PAX5: variants seen among roughly 807,000 people sequenced by gnomAD.
The protein encoded by PAX5 is paired box 5, also known as paired box protein Pax-5.
Under a neutral mutation model 43.7 loss-of-function variants are expected in PAX5, and 9 were observed. The ratio of observed to expected loss-of-function variants is 0.21; its 90% CI spans 0.12 to 0.36. The LOEUF (loss-of-function observed/expected upper bound fraction) is 0.36. Ranked by LOEUF, PAX5 falls within the 10% of genes least tolerant of loss-of-function variation. The pLI, the probability that PAX5 is intolerant of heterozygous loss-of-function variation, is 1.00. For missense variants in PAX5, 383 were observed against 532.7 expected (o/e 0.72, Z 2.77); for synonymous variants, 228 against 214.3 (o/e 1.06, Z -0.56).
chr9:36,910,474 C>G (rs1177014130), intron 7 of PAX5, among the ~76,000 whole-genome samples: 3 of 152,198 alleles, frequency 2.0e-5, no homozygotes, highest in Non-Finnish European at 2.9e-5. Context: ...TGGGGTGTAT[C>G]TCCTCTGGTT....
chr9:36,916,765 A>G (rs1462357042), intron 7 of PAX5, among the ~76,000 whole-genome samples: 8 of 151,972 alleles, frequency 5.3e-5, no homozygotes, highest in Non-Finnish European at 1.0e-4. Context: ...GCTCATTGCC[A>G]TCTCCATTTC....
At chr9:36,874,051 C>A (rs1473421459) in intron 8 of PAX5, among the ~76,000 whole-genome samples, 2 of 152,192 alleles carry the variant, frequency 1.3e-5, no homozygotes, top group Non-Finnish European at 2.9e-5. Context: ...GCCTGTAGGG[C>A]AGGCAAGACG....
chr9:36,835,276 T>A lies in PAX5; in HGVS notation c.*5284A>T. The A allele has an allele frequency of 4.3e-6, 1 of 233,058 alleles. No homozygotes were observed. Among genetic ancestry groups the A allele is most frequent in the Non-Finnish European group, 8.5e-6 (1 of 117,914 alleles). The allele number at this position is 233,058 out of a possible 1,614,324, so 14.4% of individuals were successfully genotyped here. A position where few individuals can be genotyped will look rare whatever the true frequency, so the allele number is the denominator to read the frequency against. The stretch of plus-strand genomic sequence containing the variant: ...GACATGATTCTGAGGTTCCCTTCAA[T>A]CCTGGGGTGCCCAGGAACGGAGCCT... On this transcript the variant is annotated 3_prime_UTR_variant, in exon 10 of 10. Coordinates refer to ENST00000358127, the MANE Select transcript of PAX5 (RefSeq NM_016734.3).
chr9:36,859,150 C>T (rs775889749), intron 8 of PAX5, among the ~76,000 whole-genome samples: 2 of 152,148 alleles, frequency 1.3e-5, no homozygotes, highest in Non-Finnish European at 2.9e-5. Flanking sequence ...CAATTCTGCA[C>T]ACCCTTCCTG....
chr9:37,000,637 A>G (rs922770595), intron 5 of PAX5, among the ~76,000 whole-genome samples: 11 of 152,188 alleles, frequency 7.2e-5, no homozygotes, highest in Admixed American at 6.5e-4. Context: ...ATCATCCAAT[A>G]CCACATCTGA....
chr9:36,929,653 T>C (rs1830965355), intron 6 of PAX5, among the ~76,000 whole-genome samples: 1 of 152,222 alleles, frequency 6.6e-6, no homozygotes, highest in African/African-American at 2.4e-5. Context: ...GGAACAGAAA[T>C]GAACTGAAGT....
At chr9:36,959,404 G>A (rs953465530) in intron 6 of PAX5, among the ~76,000 whole-genome samples, 1 of 152,214 alleles carries the variant, frequency 6.6e-6, no homozygotes, top group Non-Finnish European at 1.5e-5. Context: ...CTTTTAGCCT[G>A]TCTTCTTCCT....
At chr9:36,909,164 A>G (rs1050580472) in intron 7 of PAX5, among the ~76,000 whole-genome samples, 1 of 152,176 alleles carries the variant, frequency 6.6e-6, no homozygotes, top group Non-Finnish European at 1.5e-5. Context: ...TCTATTTACC[A>G]GTGAAAAAGC....
intron 6 of PAX5, among the ~76,000 whole-genome samples, chr9:36,927,969 C>A (rs1349876634): frequency 6.6e-6 from 1 of 152,208 alleles, no homozygotes; most frequent in Admixed American, 6.5e-5. Context: ...CTCGGCCTCC[C>A]AAAGTGCTGG....
intron 1 of PAX5, among the ~76,000 whole-genome samples, chr9:37,031,651 A>G (rs1445063704): frequency 6.6e-6 from 1 of 152,092 alleles, no homozygotes. Flanking sequence ...TCCCTTACTC[A>G]TGCTTTATGA....
chr9:36,965,813 A>G (rs993912459), intron 6 of PAX5, among the ~76,000 whole-genome samples: 5 of 152,168 alleles, frequency 3.3e-5, no homozygotes, highest in Admixed American at 6.5e-5. Flanking sequence ...CCTGGCACAC[A>G]CTGGGTGTCA....
intron 9 of PAX5, among the ~76,000 whole-genome samples, chr9:36,845,020 G>A (rs892849690): frequency 7.2e-5 from 11 of 152,214 alleles, no homozygotes; most frequent in Non-Finnish European, 1.0e-4. Context: ...GTGCAGCCCC[G>A]TGCCAGGGCT....
At chr9:37,023,021 G>C (rs746309901) in intron 1 of PAX5, among the ~76,000 whole-genome samples, 8 of 152,168 alleles carry the variant, frequency 5.3e-5, no homozygotes, top group Non-Finnish European at 1.2e-4. Context: ...GAATTGGTAA[G>C]AAGTGAAGTC....
chr9:36,892,417 G>T (rs1434229104), intron 7 of PAX5, among the ~76,000 whole-genome samples: 3 of 152,186 alleles, frequency 2.0e-5, no homozygotes, highest in Admixed American at 1.3e-4. Flanking sequence ...GCCAAGCATT[G>T]TTCTAAGCAC....
At chr9:36,936,318 C>T (rs959101694) in intron 6 of PAX5, among the ~76,000 whole-genome samples, 2 of 152,232 alleles carry the variant, frequency 1.3e-5, no homozygotes, top group African/African-American at 4.8e-5. Flanking sequence ...ACCTCTGCAC[C>T]TGCTACAGCT....
intron 8 of PAX5, among the ~76,000 whole-genome samples, chr9:36,866,801 A>G (rs1411572446): frequency 6.6e-6 from 1 of 152,070 alleles, no homozygotes. Context: ...TCTAAGGTTG[A>G]GTCCAGCCCT....
At chr9:37,016,349 C>G (rs910443428) in intron 2 of PAX5, among the ~76,000 whole-genome samples, 1 of 152,214 alleles carries the variant, frequency 6.6e-6, no homozygotes, top group Admixed American at 6.5e-5. Flanking sequence ...GCAGAATTAT[C>G]TGAAAATATC....
intron 5 of PAX5, among the ~76,000 whole-genome samples, chr9:36,997,779 G>A (rs564865247): frequency 5.9e-5 from 9 of 152,348 alleles, no homozygotes; most frequent in East Asian, 1.9e-4. Flanking sequence ...CGTGTGAACC[G>A]GGGCTGTGCC....
intron 6 of PAX5, among the ~76,000 whole-genome samples, chr9:36,962,636 C>T (rs1334619321): frequency 6.6e-6 from 1 of 152,156 alleles, no homozygotes; most frequent in Non-Finnish European, 1.5e-5. Flanking sequence ...ATCACTTCTA[C>T]CACAGATATG....
Sources: gnomAD v4.1 joint callset for allele counts (sites outside exome capture counted in the v4.1 genomes callset) on GRCh38, gnomAD v4.1.1 for gene constraint, MANE v1.5 for transcripts, NCBI Gene and HGNC (gene_info 2026-07-23, HGNC 2026-07-21) for gene names.